Variants in UBE2Z observed in about 807,000 individuals in gnomAD.
UBE2Z encodes the protein ubiquitin-conjugating enzyme E2 Z.
A neutral mutation model predicts 32.6 loss-of-function variants in UBE2Z; 10 were observed. The observed-to-expected ratio is 0.31, with a 90% CI of 0.19 to 0.52. The LOEUF (loss-of-function observed/expected upper bound fraction) is 0.52. UBE2Z is among the 20% of genes least tolerant of loss of function. The probability of loss-of-function intolerance (pLI) is 0.97; values close to 1 mark genes in which losing one functional copy is unlikely to be tolerated. For missense variants in UBE2Z, 343 were observed against 480.9 expected (o/e 0.71, Z 2.68); for synonymous variants, 183 against 190.8 (o/e 0.96, Z 0.34).
intron 5 of UBE2Z, among the ~76,000 whole-genome samples, chr17:48,922,061 A>G (rs2040762888): frequency 6.6e-6 from 1 of 152,118 alleles, no homozygotes; most frequent in Admixed American, 6.6e-5. Flanking sequence ...TTACAGTCAC[A>G]CTCATAATTC....
chr17:48,912,639 T>G, intron 2 of UBE2Z, 195 bp from the exon 3 acceptor site: 2 of 579,456 alleles, frequency 3.5e-6, no homozygotes, highest in Non-Finnish European at 6.0e-6. Flanking sequence ...TCCACTGTAA[T>G]GAGATTTCTT....
chr17:48,914,784 G>A (rs1278011612), intron 3 of UBE2Z, among the ~76,000 whole-genome samples: 1 of 152,166 alleles, frequency 6.6e-6, no homozygotes, highest in Non-Finnish European at 1.5e-5. Flanking sequence ...CAGCACTTTG[G>A]GAGGCCGAGG....
At position 48,922,954 on chromosome 17, in the gene UBE2Z, T is replaced by C; in HGVS notation, c.894+17T>C. ...ACTATGCAGGTAATACAACCCCTGCTGCTAATTGCAGAAGCCCTACAGCTG... is the reference window on the plus strand; with the variant it reads ...ACTATGCAGGTAATACAACCCCTGCCGCTAATTGCAGAAGCCCTACAGCTG... On this transcript the variant is annotated intron_variant, in intron 6 of 6. Coordinates refer to ENST00000360943, the MANE Select transcript of UBE2Z (RefSeq NM_023079.5). 1 of 1,600,458 alleles carries C rather than the reference T, an allele frequency of 6.2e-7. No individual in the cohort carries two copies. The highest frequency in any genetic ancestry group is 8.5e-7 in the Non-Finnish European group (1 of 1,171,596).
rs2040810739 is a variant in UBE2Z, at chr17:48,928,246, C to G, written c.*1112C>G. On this transcript the variant is annotated 3_prime_UTR_variant, in exon 7 of 7. Coordinates refer to ENST00000360943, the MANE Select transcript of UBE2Z (RefSeq NM_023079.5). Reference sequence around the variant, plus strand: ...CCTTCCGCCTCCCCCGTGCCCCCAGCTGCTCTTGTCACTGTCTCTGATGGG... The same window carrying G: ...CCTTCCGCCTCCCCCGTGCCCCCAGGTGCTCTTGTCACTGTCTCTGATGGG... 6.6e-6 allele frequency: 1 copy of G among 152,406 alleles called. No homozygotes were observed. The highest frequency in any genetic ancestry group is 6.6e-5 in the Admixed American group (1 of 15,260). 9.4% of individuals were successfully genotyped at this position (152,406 alleles called of 1,614,324 possible). A position where few individuals can be genotyped will look rare whatever the true frequency, so the allele number is the denominator to read the frequency against.
intron 6 of UBE2Z, among the ~76,000 whole-genome samples, chr17:48,925,281 CA>C (rs200181647): frequency 0.5 from 54,354 of 108,100 alleles, 12,574 homozygotes; most frequent in East Asian, 0.7. Flanking sequence ...GACTCCACCT[CA>C]AAAAAAAAAA....
chr17:48,912,912 G>A lies in UBE2Z; in HGVS notation c.469G>A (p.Asp157Asn). 15 of 1,613,820 alleles carry A rather than the reference G, an allele frequency of 9.3e-6. No individual in the cohort carries two copies. The highest frequency in any genetic ancestry group is 1.2e-5 in the Non-Finnish European group (14 of 1,179,862). Reference sequence around the variant, plus strand: ...CCTGTTCGTGTTTCGGTGTCCGCCCGACTATCCCATCCACCCACCTCGGGT... The same window carrying A: ...CCTGTTCGTGTTTCGGTGTCCGCCCAACTATCCCATCCACCCACCTCGGGT... ...FFLFVFRCPP[D>N]YPIHPPRVKL... The change falls in exon 3 of 7, where the codon GAC becomes AAC. Residue 157 changes from aspartate (D) to asparagine (N), a missense_variant. Physicochemically the swap from Asp to Asn is conservative, Grantham distance 23 (BLOSUM62 1). Around this residue, in one of 4 missense-constraint regions of UBE2Z, gnomAD observed 182 missense variants for 312.4 expected, o/e 0.58. Transcript: ENST00000360943.
intron 6 of UBE2Z, among the ~76,000 whole-genome samples, chr17:48,925,562 CAT>C (rs777430160): frequency 6.6e-6 from 1 of 152,132 alleles, no homozygotes; most frequent in African/African-American, 2.4e-5. Flanking sequence ...ATATCAATGA[CAT>C]ATGTCCTAGT....
At chr17:48,926,836 G>A in intron 6 of UBE2Z, 128 bp from the exon 7 acceptor site, 1 of 1,006,796 alleles carries the variant, frequency 9.9e-7, no homozygotes, top group South Asian at 1.7e-5. Flanking sequence ...GACTGCCTGT[G>A]CTGTTAGGCC....
At chr17:48,926,562 A>G (rs1598078876) in intron 6 of UBE2Z, among the ~76,000 whole-genome samples, 1 of 149,990 alleles carries the variant, frequency 6.7e-6, no homozygotes, top group Non-Finnish European at 1.5e-5. Flanking sequence ...GCTGACTGCA[A>G]CCTCCGCCTC....
At chr17:48,924,606 G>A (rs969992361) in intron 6 of UBE2Z, among the ~76,000 whole-genome samples, 2 of 152,116 alleles carry the variant, frequency 1.3e-5, no homozygotes, top group African/African-American at 4.8e-5. Context: ...AGCACTTTGG[G>A]AGGCAGAGGT....
At position 48,927,044 on chromosome 17, in the gene UBE2Z, G is replaced by A; in HGVS notation, c.975G>A (p.Leu325=). 6.2e-7 allele frequency: 1 copy of A among 1,613,870 alleles called. No individual in the cohort carries two copies. The highest frequency in any genetic ancestry group is 8.5e-7 in the Non-Finnish European group (1 of 1,179,828). The change falls in exon 7 of 7, where the codon CTG becomes CTA. Residue 325 remains leucine, a synonymous_variant. Transcript: ENST00000360943. The stretch of plus-strand genomic sequence containing the variant: ...TGGGACTGATACGTCAGAAAGTGCT[G>A]GAGAGGCTCCATAATGAGAATGCAG... ...MRLGLIRQKV[L]ERLHNENAEM...
intron 4 of UBE2Z, among the ~76,000 whole-genome samples, chr17:48,916,989 G>A (rs1333766176): frequency 2.0e-5 from 3 of 150,988 alleles, no homozygotes; most frequent in South Asian, 2.1e-4. Context: ...GGTAAGGAGC[G>A]AAACTCGGTC....
chr17:48,925,449 T>C (rs1482135053), intron 6 of UBE2Z, among the ~76,000 whole-genome samples: 2 of 152,174 alleles, frequency 1.3e-5, no homozygotes, highest in Admixed American at 6.5e-5. Context: ...AATGGTAGTT[T>C]TCCCTTCCTT....
intron 4 of UBE2Z, among the ~76,000 whole-genome samples, chr17:48,920,587 C>T (rs1443124325): frequency 2.0e-5 from 3 of 151,976 alleles, no homozygotes; most frequent in Admixed American, 1.3e-4. Context: ...GTGGGAGGAT[C>T]GCTAGAGCCC....
chr17:48,909,200 A>G (rs1226860865), intron 1 of UBE2Z, among the ~76,000 whole-genome samples: 1 of 45,082 alleles, frequency 2.2e-5, no homozygotes, highest in South Asian at 7.8e-4. Context: ...TCCCCACCCC[A>G]ACCTTGCTAG....
At chr17:48,924,268 A>T (rs1467448948) in intron 6 of UBE2Z, among the ~76,000 whole-genome samples, 1 of 152,102 alleles carries the variant, frequency 6.6e-6, no homozygotes, top group Non-Finnish European at 1.5e-5. Context: ...GAGCCACTGC[A>T]CCCAGCCCAT....
At chr17:48,918,999 C>T (rs2040740972) in intron 4 of UBE2Z, among the ~76,000 whole-genome samples, 1 of 151,988 alleles carries the variant, frequency 6.6e-6, no homozygotes, top group Admixed American at 6.6e-5. Context: ...TGCCCACGTC[C>T]GCCTCCCAAA....
At chr17:48,918,160 A>G (rs1217909299) in intron 4 of UBE2Z, among the ~76,000 whole-genome samples, 3 of 151,506 alleles carry the variant, frequency 2.0e-5, no homozygotes, top group African/African-American at 7.3e-5. Context: ...CTGGTTTCGA[A>G]TTTCGGACCT....
chr17:48,911,903 AT>A (rs911547228), intron 2 of UBE2Z: 1 of 152,194 alleles, frequency 6.6e-6, no homozygotes. Flanking sequence ...TGCTGTTCAA[AT>A]GCTTAGCAGA....
Sources: gnomAD v4.1 joint callset for allele counts (sites outside exome capture counted in the v4.1 genomes callset) on GRCh38, gnomAD v4.1.1 for gene constraint, gnomAD v4.1.1 regional missense constraint, MANE v1.5 for transcripts, NCBI Gene and HGNC (gene_info 2026-07-23, HGNC 2026-07-21) for gene names.